The following HBP1 variants were observed in gnomAD, a reference collection of about 807,000 sequenced individuals.
The protein encoded by HBP1 is HMG box-containing protein 1.
In HBP1, 20 loss-of-function variants were observed where a neutral mutation model predicts 62.6. The observed-to-expected ratio is 0.32, with a 90% CI of 0.22 to 0.46. HBP1 has a LOEUF of 0.46. Ranked by LOEUF, HBP1 falls within the 20% of genes least tolerant of loss-of-function variation. HBP1 has a pLI of 1.00. For missense variants in HBP1, 480 were observed against 611.8 expected (o/e 0.78, Z 2.27); for synonymous variants, 232 against 206.2 (o/e 1.12, Z -1.07).
Position 107,180,055 on chromosome 7 carries a change from G to A in HBP1, c.162G>A (p.Met54Ile). 6.4e-7 allele frequency: 1 copy of A among 1,560,004 alleles called. No homozygotes were observed. Among genetic ancestry groups the A allele is most frequent in the South Asian group, 1.2e-5 (1 of 86,286 alleles). Residue 54 changes from methionine (M) to isoleucine (I), a missense_variant, in exon 2 of 11, where the codon ATG becomes ATA. Around this residue, in one of 4 missense-constraint regions of HBP1, gnomAD observed 304 missense variants for 330.9 expected, o/e 0.92. Coordinates refer to ENST00000222574, the MANE Select transcript of HBP1 (RefSeq NM_012257.4). Reference protein sequence around the residue: ...SPGYNSCDEHMELDDLPELQA... With the variant: ...SPGYNSCDEHIELDDLPELQA... ...GATATAACTCCTGTGATGAACACATGGAGCTTGGTAAGCAAAATTAAAAGT... is the reference window on the plus strand; with the variant it reads ...GATATAACTCCTGTGATGAACACATAGAGCTTGGTAAGCAAAATTAAAAGT...
chr7:107,181,657 A>T (rs933290084), intron 2 of HBP1, among the ~76,000 whole-genome samples: 2 of 150,862 alleles, frequency 1.3e-5, no homozygotes, highest in African/African-American at 4.9e-5. Flanking sequence ...TTTCGTGGAG[A>T]GTTTTTTTTT....
chr7:107,189,465 A>G lies in HBP1; in HGVS notation c.922+17A>G. ...AAAATAAAGGTAGGGCTTGAATTGCATTTGTAGTAACTTTTTTTAAACAAA... is the reference window on the plus strand; with the variant it reads ...AAAATAAAGGTAGGGCTTGAATTGCGTTTGTAGTAACTTTTTTTAAACAAA... On this transcript the variant is annotated intron_variant, in intron 7 of 10. Coordinates refer to ENST00000222574, the MANE Select transcript of HBP1 (RefSeq NM_012257.4). 1.3e-6 allele frequency: 2 copies of G among 1,571,994 alleles called. No homozygotes were observed. Among genetic ancestry groups the G allele is most frequent in the Non-Finnish European group, 1.7e-6 (2 of 1,155,512 alleles).
chr7:107,171,014 TATATATA>T (rs1373904632), intron 1 of HBP1, among the ~76,000 whole-genome samples: 26 of 143,362 alleles, frequency 1.8e-4, no homozygotes, highest in African/African-American at 5.5e-4. Flanking sequence ...TATACATGTA[TATATATA>T]AAATATATAA....
rs1184292582 is a variant in HBP1, at chr7:107,169,044, C to T, written c.-157C>T. ...ACGGGTTTGGTAAGTAGGAAAGTTTCGGTTGAGGAGTAAGAGCTGCCGCGG... is the reference window on the plus strand; with the variant it reads ...ACGGGTTTGGTAAGTAGGAAAGTTTTGGTTGAGGAGTAAGAGCTGCCGCGG... On this transcript the variant is annotated 5_prime_UTR_variant, in exon 1 of 11. Coordinates refer to ENST00000222574, the MANE Select transcript of HBP1 (RefSeq NM_012257.4). 7.8e-7 allele frequency: 1 copy of T among 1,288,692 alleles called. No homozygotes were observed. Among genetic ancestry groups the T allele is most frequent in the South Asian group, 1.2e-5 (1 of 80,922 alleles). The allele number at this position is 1,288,692 out of a possible 1,614,324, so 79.8% of individuals were successfully genotyped here.
In HBP1 at chr7:107,185,841, C is replaced by T. The variant is rs747622416; in HGVS notation, c.439C>T (p.His147Tyr). ...VHIIATSKSL[H>Y]SYARPPPVSS... ...CATCATAGCCACTAGCAAAAGTTTA[C>T]ATTCCTATGCACGCCCTCCACCAGT... The change falls in exon 4 of 11, where the codon CAT becomes TAT. Residue 147 changes from histidine (H) to tyrosine (Y), a missense_variant. Around this residue, in one of 4 missense-constraint regions of HBP1, gnomAD observed 304 missense variants for 330.9 expected, o/e 0.92. Coordinates refer to ENST00000222574, the MANE Select transcript of HBP1 (RefSeq NM_012257.4). The T allele has an allele frequency of 6.2e-7, 1 of 1,613,116 alleles. No individual in the cohort carries two copies. The highest frequency in any genetic ancestry group is 8.5e-7 in the Non-Finnish European group (1 of 1,179,048).
intron 9 of HBP1, chr7:107,197,176 T>C (rs1048239628): frequency 6.6e-6 from 1 of 152,186 alleles, no homozygotes; most frequent in Non-Finnish European, 1.5e-5. Flanking sequence ...TGAATCCCTC[T>C]CAAACCAGTC....
intron 1 of HBP1, among the ~76,000 whole-genome samples, chr7:107,178,810 A>T (rs4730224): frequency 0.16 from 23,785 of 152,246 alleles, 2,316 homozygotes; most frequent in Non-Finnish European, 0.22. Context: ...AGGCGGGTGG[A>T]TCACCTGAGA....
At chr7:107,173,037 G>A (rs1032486297) in intron 1 of HBP1, among the ~76,000 whole-genome samples, 4 of 152,282 alleles carry the variant, frequency 2.6e-5, no homozygotes, top group South Asian at 2.1e-4. Context: ...CTTGTAGCCC[G>A]GTGGCAAACT....
At chr7:107,196,241 T>C (rs758837803) in intron 9 of HBP1, 90 bp downstream of exon 9, 9 of 821,902 alleles carry the variant, frequency 1.1e-5, no homozygotes, top group Admixed American at 5.7e-5. Flanking sequence ...ACTTATTCTT[T>C]AATAGCTTTT....
At chr7:107,183,988 A>T (rs1797235122) in intron 3 of HBP1, among the ~76,000 whole-genome samples, 1 of 152,238 alleles carries the variant, frequency 6.6e-6, no homozygotes, top group Admixed American at 6.5e-5. Flanking sequence ...AGAGAGATGA[A>T]GAAATCAATG....
chr7:107,193,803 A>G (rs1388812726), intron 8 of HBP1, among the ~76,000 whole-genome samples: 2 of 152,212 alleles, frequency 1.3e-5, no homozygotes, highest in Non-Finnish European at 2.9e-5. Context: ...CCTGGATTCA[A>G]ATCCTGGCTC....
chr7:107,177,917 A>G (rs560754037), intron 1 of HBP1, among the ~76,000 whole-genome samples: 4 of 152,330 alleles, frequency 2.6e-5, no homozygotes, highest in East Asian at 1.9e-4. Context: ...ATACATTTCA[A>G]AACCAAAAAG....
chr7:107,191,730 T>A lies in HBP1; in HGVS notation c.1067+1413T>A, dbSNP rs117720011. ...AAACAATGTTAAGTAAAAATAAGTC[T>A]TGGAAATATACAGTATGAGTCTATT... On this transcript the variant is annotated intron_variant, in intron 8 of 10. Transcript: ENST00000222574. Among the ~76,000 whole-genome samples, 391 of 152,310 alleles carry A rather than the reference T, an allele frequency of 2.6e-3. 8 individuals carry two copies. The East Asian group carries it at 0.065, about 25-fold the overall frequency.
At position 107,178,200 on chromosome 7, in the gene HBP1, G is replaced by C. The variant is rs79684228; in HGVS notation, c.-15-1679G>C. On this transcript the variant is annotated intron_variant, in intron 1 of 10. Coordinates refer to ENST00000222574, the MANE Select transcript of HBP1 (RefSeq NM_012257.4). The stretch of plus-strand genomic sequence containing the variant: ...TTAGAACTTTTTCTTTAAGAGGGGG[G>C]GTCTTGCTACATTGCCCAGGCTGGA... Among the ~76,000 whole-genome samples the C allele has an allele frequency of 5.6e-3, 850 of 152,132 alleles. 18 individuals are homozygous for C. The highest frequency in any genetic ancestry group is 0.048 in the East Asian group (251 of 5,176).
chr7:107,182,685 G>T, intron 3 of HBP1, 84 bp downstream of exon 3: 2 of 674,716 alleles, frequency 3.0e-6, no homozygotes, highest in Non-Finnish European at 5.0e-6. Context: ...TTTAAAAGTA[G>T]TAATACTTTA....
intron 1 of HBP1, among the ~76,000 whole-genome samples, chr7:107,175,021 G>A (rs909623151): frequency 6.6e-6 from 1 of 151,958 alleles, no homozygotes; most frequent in Non-Finnish European, 1.5e-5. Context: ...CCATTGCAAA[G>A]GAAGCTGGAG....
At position 107,185,260 on chromosome 7, in the gene HBP1, T is replaced by C. The variant is rs1797297520; in HGVS notation, c.399-541T>C. Among the ~76,000 whole-genome samples, 3 of 152,088 alleles carry C rather than the reference T, an allele frequency of 2.0e-5. No homozygotes were observed. In the South Asian group the frequency reaches 6.2e-4, roughly 32 times the overall value. ...CAAGTTTGTATTAGAAAACAAGAAA[T>C]AGTGTCCAGTTACAAGGAGGGTGGA... is the stretch of plus-strand genomic sequence containing the variant. On this transcript the variant is annotated intron_variant, in intron 3 of 10. Coordinates refer to ENST00000222574, the MANE Select transcript of HBP1 (RefSeq NM_012257.4).
intron 3 of HBP1, among the ~76,000 whole-genome samples, chr7:107,185,573 A>G (rs532966895): frequency 6.6e-6 from 1 of 152,378 alleles, no homozygotes; most frequent in African/African-American, 2.4e-5. Context: ...GTAGTTTAAA[A>G]TATATTGTCA....
chr7:107,187,112 G>A (rs1056838836), intron 6 of HBP1, among the ~76,000 whole-genome samples: 6 of 152,094 alleles, frequency 3.9e-5, no homozygotes, highest in African/African-American at 1.4e-4. Flanking sequence ...AATTAGCTGG[G>A]CGTGGTGGTG....
Sources: allele counts gnomAD v4.1 joint callset (sites outside exome capture counted in the v4.1 genomes callset), GRCh38; gene constraint gnomAD v4.1.1; regional missense constraint gnomAD v4.1.1; transcripts MANE v1.5; gene names NCBI Gene and HGNC (gene_info 2026-07-23, HGNC 2026-07-21).